The following SORCS3 variants were observed in gnomAD, a reference collection of about 807,000 sequenced individuals.
SORCS3 encodes VPS10 domain-containing receptor SorCS3.
Under a neutral mutation model 146.3 loss-of-function variants are expected in SORCS3, and 57 were observed. The observed-to-expected ratio is 0.39, with a 90% confidence interval of 0.31 to 0.49. The LOEUF is 0.49. SORCS3 is among the 20% of genes least tolerant of loss of function. The pLI, the probability that SORCS3 is intolerant of heterozygous loss-of-function variation, is 0.92. For missense variants in SORCS3, 1,341 were observed against 1,575.5 expected (o/e 0.85, Z 2.52); for synonymous variants, 653 against 618.5 (o/e 1.06, Z -0.83).
chr10:104,975,297 A>G (rs1366524393), intron 3 of SORCS3, among the ~76,000 whole-genome samples: 2 of 152,022 alleles, frequency 1.3e-5, no homozygotes, highest in Non-Finnish European at 1.5e-5. Context: ...TCATGAGTGA[A>G]CTCCCATTCA....
At chr10:105,106,111 A>G (rs1333277801) in intron 7 of SORCS3, among the ~76,000 whole-genome samples, 1 of 152,200 alleles carries the variant, frequency 6.6e-6, no homozygotes, top group Non-Finnish European at 1.5e-5. Context: ...GGTACAAAAC[A>G]GGACAAAAAT....
intron 1 of SORCS3, among the ~76,000 whole-genome samples, chr10:104,835,161 T>A (rs1171944133): frequency 1.3e-5 from 2 of 152,152 alleles, no homozygotes; most frequent in Admixed American, 1.3e-4. Flanking sequence ...AGTTGGGTTC[T>A]GGACTCTAGA....
At chr10:104,947,249 A>T (rs965273721) in intron 3 of SORCS3, among the ~76,000 whole-genome samples, 15 of 152,054 alleles carry the variant, frequency 9.9e-5, no homozygotes, top group South Asian at 6.2e-4. Flanking sequence ...CACATTTTTT[A>T]AAAAAAGCTT....
chr10:104,952,251 G>A (rs2019439192), intron 3 of SORCS3, among the ~76,000 whole-genome samples: 1 of 75,018 alleles, frequency 1.3e-5, no homozygotes. Flanking sequence ...GCACATGAAT[G>A]TTTGAAAAAA....
intron 1 of SORCS3, among the ~76,000 whole-genome samples, chr10:104,728,566 A>G (rs918808102): frequency 1.3e-5 from 2 of 152,222 alleles, no homozygotes; most frequent in Non-Finnish European, 2.9e-5. Flanking sequence ...TGTCAGGACA[A>G]AGACCTGGGG....
chr10:104,661,672 TATAGATAGATAGATAG>T (rs112598598), intron 1 of SORCS3, among the ~76,000 whole-genome samples: 11 of 151,678 alleles, frequency 7.3e-5, no homozygotes, highest in African/African-American at 2.7e-4. Flanking sequence ...GATTTGGGAA[TATAGATAGATAGATAG>T]ATAGATAGAT....
intron 1 of SORCS3, among the ~76,000 whole-genome samples, chr10:104,663,597 G>C (rs1472384767): frequency 6.6e-6 from 1 of 152,126 alleles, no homozygotes; most frequent in Non-Finnish European, 1.5e-5. Context: ...TCAAAGCTTA[G>C]GTAGGGATGG....
intron 19 of SORCS3, among the ~76,000 whole-genome samples, chr10:105,222,312 C>G (rs757893461): frequency 1.3e-5 from 2 of 152,084 alleles, no homozygotes; most frequent in Non-Finnish European, 2.9e-5. Context: ...CCCACCTCAG[C>G]CTCCCAAAGT....
intron 25 of SORCS3, among the ~76,000 whole-genome samples, chr10:105,257,835 G>T (rs991872850): frequency 9.2e-5 from 14 of 152,156 alleles, no homozygotes; most frequent in African/African-American, 3.4e-4. Context: ...GCCTGCCAAA[G>T]ATGCCCTCTG....
At chr10:105,117,018 T>C (rs2055898546) in intron 7 of SORCS3, among the ~76,000 whole-genome samples, 1 of 152,008 alleles carries the variant, frequency 6.6e-6, no homozygotes, top group Non-Finnish European at 1.5e-5. Flanking sequence ...AACCTGTGCA[T>C]GTACCCTGAA....
intron 1 of SORCS3, among the ~76,000 whole-genome samples, chr10:104,715,531 A>G (rs1239856493): frequency 5.9e-5 from 9 of 152,310 alleles, no homozygotes; most frequent in Middle Eastern, 3.4e-3. Flanking sequence ...GCCAATTCTC[A>G]TAATAAATCT....
intron 1 of SORCS3, among the ~76,000 whole-genome samples, chr10:104,669,043 C>A (rs532570367): frequency 6.6e-6 from 1 of 152,256 alleles, no homozygotes; most frequent in South Asian, 2.1e-4. Context: ...GTGTTAAGAA[C>A]AAGCACTGCC....
At chr10:105,097,928 A>G (rs74157421) in intron 6 of SORCS3, among the ~76,000 whole-genome samples, 3,707 of 152,292 alleles carry the variant, frequency 0.024, 155 homozygotes, top group African/African-American at 0.084. Context: ...CCCATAGAAC[A>G]TATGCCACCG....
At chr10:105,109,561 T>G (rs2055845517) in intron 7 of SORCS3, among the ~76,000 whole-genome samples, 2 of 152,154 alleles carry the variant, frequency 1.3e-5, no homozygotes, top group African/African-American at 2.4e-5. Flanking sequence ...TGAAAATATG[T>G]TTGTCTGTAT....
intron 5 of SORCS3, among the ~76,000 whole-genome samples, chr10:105,060,285 T>G (rs996609493): frequency 4.6e-5 from 7 of 152,026 alleles, no homozygotes; most frequent in African/African-American, 1.4e-4. Flanking sequence ...TGAGGTGTGT[T>G]TAGGAAATTG....
At chr10:104,855,966 G>A (rs1261026551) in intron 2 of SORCS3, among the ~76,000 whole-genome samples, 2 of 152,044 alleles carry the variant, frequency 1.3e-5, no homozygotes, top group Non-Finnish European at 2.9e-5. Context: ...GTACTCCTAG[G>A]CTCAAGTGAT....
intron 1 of SORCS3, among the ~76,000 whole-genome samples, chr10:104,748,689 C>T (rs1018522728): frequency 1.4e-4 from 21 of 152,086 alleles, no homozygotes; most frequent in African/African-American, 4.3e-4. Flanking sequence ...CCCGTCTCTA[C>T]TAAAAATACA....
intron 1 of SORCS3, among the ~76,000 whole-genome samples, chr10:104,737,836 A>G (rs963533727): frequency 3.5e-4 from 52 of 149,812 alleles, no homozygotes; most frequent in African/African-American, 1.1e-3. Flanking sequence ...TGTTTTAGAC[A>G]TGAAGTCCTT....
chr10:105,212,833 G>A (rs2056641953), intron 17 of SORCS3, among the ~76,000 whole-genome samples: 1 of 152,098 alleles, frequency 6.6e-6, no homozygotes, highest in Non-Finnish European at 1.5e-5. Context: ...AAAACTGAGT[G>A]TCTTGTAACT....
Sources: allele counts gnomAD v4.1 joint callset (sites outside exome capture counted in the v4.1 genomes callset), GRCh38; gene constraint gnomAD v4.1.1; transcripts MANE v1.5; gene names NCBI Gene and HGNC (gene_info 2026-07-23, HGNC 2026-07-21).